The following MECOM variants were observed in gnomAD, a reference collection of about 807,000 sequenced individuals.
The protein encoded by MECOM is histone-lysine N-methyltransferase MECOM.
A neutral mutation model predicts 116.3 loss-of-function variants in MECOM; 13 were observed. That is an observed-to-expected ratio of 0.11 (90% confidence interval 0.07 to 0.18). The LOEUF is 0.18. Among genes scored for constraint, MECOM ranks in the 10% least tolerant of loss-of-function variants. The pLI is 1.00. For missense variants in MECOM, 1,299 were observed against 1,509.0 expected (o/e 0.86, Z 2.31); for synonymous variants, 528 against 535.2 (o/e 0.99, Z 0.19).
At chr3:169,535,963 C>A (rs1188904560) in intron 1 of MECOM, among the ~76,000 whole-genome samples, 1 of 152,134 alleles carries the variant, frequency 6.6e-6, no homozygotes, top group African/African-American at 2.4e-5. Context: ...ATGGAAGGCC[C>A]AATATCATGT....
intron 2 of MECOM, among the ~76,000 whole-genome samples, chr3:169,258,836 T>A (rs1312891376): frequency 1.3e-5 from 2 of 152,214 alleles, no homozygotes; most frequent in African/African-American, 2.4e-5. Flanking sequence ...GTTAATAATA[T>A]CGACTATTAT....
intron 2 of MECOM, among the ~76,000 whole-genome samples, chr3:169,261,730 AGAAGG>A (rs1757572343): frequency 8.9e-6 from 1 of 112,670 alleles, no homozygotes; most frequent in Non-Finnish European, 1.8e-5. Flanking sequence ...AAGGAGAAGG[AGAAGG>A]AGAAGGAGAA....
intron 2 of MECOM, among the ~76,000 whole-genome samples, chr3:169,183,200 T>C (rs1187232361): frequency 6.6e-6 from 1 of 152,204 alleles, no homozygotes; most frequent in Non-Finnish European, 1.5e-5. Context: ...AGCTATGTGA[T>C]GGGGATAGAG....
intron 1 of MECOM, among the ~76,000 whole-genome samples, chr3:169,603,169 A>G (rs1437855083): frequency 1.3e-5 from 2 of 152,226 alleles, no homozygotes; most frequent in Non-Finnish European, 2.9e-5. Flanking sequence ...GAGCTGAAAA[A>G]TGTCTGTCAC....
At chr3:169,232,327 C>A (rs2149524322) in intron 2 of MECOM, among the ~76,000 whole-genome samples, 1 of 152,172 alleles carries the variant, frequency 6.6e-6, no homozygotes, top group East Asian at 1.9e-4. Context: ...AAATTTCCAG[C>A]TCCACCACTG....
intron 2 of MECOM, among the ~76,000 whole-genome samples, chr3:169,180,273 G>T (rs1022938966): frequency 1.3e-5 from 2 of 151,932 alleles, no homozygotes; most frequent in South Asian, 4.2e-4. Context: ...TTGATTTATC[G>T]TGGCTAGACT....
In MECOM at chr3:169,157,365, C is replaced by T. The variant is rs1204346941; in HGVS notation, c.376-13533G>A. On this transcript the variant is annotated intron_variant, in intron 2 of 16. Transcript: ENST00000651503. ...TGATTTCATGAAACATTTATCCTTTCTCTACATTGGAAATCCTAAAATTTC... is the reference window on the plus strand; with the variant it reads ...TGATTTCATGAAACATTTATCCTTTTTCTACATTGGAAATCCTAAAATTTC... 2.0e-5 allele frequency among the ~76,000 whole-genome samples: 3 copies of T among 152,196 alleles called. No homozygotes were observed. The East Asian group carries it at 5.8e-4, about 29-fold the overall frequency.
intron 2 of MECOM, among the ~76,000 whole-genome samples, chr3:169,286,102 C>A (rs767331248): frequency 6.6e-6 from 1 of 152,200 alleles, no homozygotes; most frequent in African/African-American, 2.4e-5. Flanking sequence ...TTGCCATCAT[C>A]AGCAATTTCT....
chr3:169,112,150 C>G (rs764241329), intron 9 of MECOM, among the ~76,000 whole-genome samples: 5 of 152,038 alleles, frequency 3.3e-5, no homozygotes, highest in African/African-American at 7.2e-5. Context: ...TTTAAAATTA[C>G]TAAATGTATA....
At chr3:169,260,967 G>T (rs1757458784) in intron 2 of MECOM, among the ~76,000 whole-genome samples, 1 of 152,184 alleles carries the variant, frequency 6.6e-6, no homozygotes. Flanking sequence ...ATTAGTTCTA[G>T]TGATTCCAGA....
intron 13 of MECOM, among the ~76,000 whole-genome samples, chr3:169,093,692 T>C (rs766851208): frequency 3.9e-5 from 6 of 152,158 alleles, no homozygotes; most frequent in Non-Finnish European, 7.4e-5. Context: ...ATCTTCCCCT[T>C]CCTTGCCTAT....
At chr3:169,471,363 G>GAAAAAAAAAAAAAA (rs34583012) in intron 1 of MECOM, among the ~76,000 whole-genome samples, 1 of 146,004 alleles carries the variant, frequency 6.8e-6, no homozygotes. Context: ...TTTACCTCAG[G>GAAAAAAAAAAAAAA]AAAAAAAAAA....
chr3:169,283,558 C>T (rs1341914495), intron 2 of MECOM, among the ~76,000 whole-genome samples: 1 of 152,148 alleles, frequency 6.6e-6, no homozygotes, highest in Non-Finnish European at 1.5e-5. Context: ...AGCTCACTTT[C>T]ATTTGTGAAG....
intron 2 of MECOM, among the ~76,000 whole-genome samples, chr3:169,259,832 A>C (rs975353763): frequency 2.6e-5 from 4 of 152,248 alleles, no homozygotes; most frequent in African/African-American, 9.6e-5. Context: ...GCAGGGTGAT[A>C]TGTTGATGTT....
chr3:169,156,279 C>T (rs969542230), intron 2 of MECOM, among the ~76,000 whole-genome samples: 1 of 152,250 alleles, frequency 6.6e-6, no homozygotes, highest in Non-Finnish European at 1.5e-5. Context: ...TTGGCTTATT[C>T]GACCAGGCAT....
intron 2 of MECOM, among the ~76,000 whole-genome samples, chr3:169,149,935 C>CTGTGTGTG (rs58944452): frequency 1.2e-3 from 156 of 131,292 alleles, no homozygotes; most frequent in East Asian, 4.4e-3. Context: ...TTCTCTCTCT[C>CTGTGTGTG]TGTGTGTGTG....
intron 1 of MECOM, among the ~76,000 whole-genome samples, chr3:169,393,648 C>T (rs1734569427): frequency 6.6e-6 from 1 of 152,098 alleles, no homozygotes; most frequent in Non-Finnish European, 1.5e-5. Flanking sequence ...AGGTGTTATT[C>T]ACTAGAATAA....
chr3:169,473,303 C>T (rs1010479181), intron 1 of MECOM, among the ~76,000 whole-genome samples: 2 of 152,012 alleles, frequency 1.3e-5, no homozygotes, highest in Admixed American at 6.5e-5. Flanking sequence ...CACAGGCTAG[C>T]CAAAAACACA....
chr3:169,608,711 A>C (rs1198866445), intron 1 of MECOM, among the ~76,000 whole-genome samples: 1 of 152,176 alleles, frequency 6.6e-6, no homozygotes, highest in Non-Finnish European at 1.5e-5. Context: ...TTTAAGTTGA[A>C]CTGGCTCACG....
Sources: gnomAD v4.1 joint callset for allele counts (sites outside exome capture counted in the v4.1 genomes callset) on GRCh38, gnomAD v4.1.1 for gene constraint, MANE v1.5 for transcripts, NCBI Gene and HGNC (gene_info 2026-07-23, HGNC 2026-07-21) for gene names.